The following ANKRD6 variants were observed in gnomAD, a reference collection of about 807,000 sequenced individuals.
The protein encoded by ANKRD6 is ankyrin repeat domain-containing protein 6.
Under a neutral mutation model 82.3 loss-of-function variants are expected in ANKRD6, and 56 were observed. The observed-to-expected ratio is 0.68, with a 90% CI of 0.55 to 0.85. The LOEUF is 0.85. Ranked by LOEUF, ANKRD6 falls within the 40% of genes least tolerant of loss-of-function variation. The pLI is 0.00. For synonymous variants in ANKRD6, 347 were observed against 352.1 expected, an observed-to-expected ratio of 0.99 and a Z score of 0.16; for missense variants, 852 against 907.6, an observed-to-expected ratio of 0.94 and a Z score of 0.79.
intron 5 of ANKRD6, among the ~76,000 whole-genome samples, chr6:89,606,406 G>A (rs149275306): frequency 6.6e-6 from 1 of 152,208 alleles, no homozygotes; most frequent in African/African-American, 2.4e-5. Context: ...AAAAAATATG[G>A]CAATGGAGTT....
intron 3 of ANKRD6, chr6:89,598,478 A>G (rs1053302708): frequency 1.0e-6 from 1 of 958,748 alleles, no homozygotes; most frequent in Non-Finnish European, 1.2e-6. Context: ...GCTTCCTTGC[A>G]GTATGTCTGC....
rs1218307718 is a variant in ANKRD6, at chr6:89,624,683, C to T, written c.1363C>T (p.Gln455Ter). 3.1e-6 allele frequency: 5 copies of T among 1,604,264 alleles called. No homozygotes were observed. The highest frequency in any genetic ancestry group is 3.4e-6 in the Non-Finnish European group (4 of 1,175,368). The change falls in exon 13 of 16, where the codon CAG (glutamine) becomes TAG (stop). Residue 455 changes from glutamine (Q) to a stop codon, truncating the protein, a stop_gained. Coordinates refer to ENST00000339746, the MANE Select transcript of ANKRD6 (RefSeq NM_001242809.2). LOFTEE classifies it high-confidence loss of function. ...GCTGGGGCAGATGGAGAATAAGACCCAGCACCAAGTATGTCATAAGGCCCA... is the reference window on the plus strand; with the variant it reads ...GCTGGGGCAGATGGAGAATAAGACCTAGCACCAAGTATGTCATAAGGCCCA... Reference protein sequence around the residue: ...TKLGQMENKTQHQMRVLDKLM... With the variant: ...TKLGQMENKT
chr6:89,499,949 C>G (rs1582939982), intron 1 of ANKRD6, among the ~76,000 whole-genome samples: 1 of 152,074 alleles, frequency 6.6e-6, no homozygotes, highest in Non-Finnish European at 1.5e-5. Flanking sequence ...ATGAAATGCC[C>G]ACTGAAATCC....
At chr6:89,598,134 A>G (rs1353650052) in intron 3 of ANKRD6, 16 of 985,318 alleles carry the variant, frequency 1.6e-5, no homozygotes, top group Non-Finnish European at 1.2e-6. Context: ...GAATTAGTTG[A>G]AGAATGACCT....
intron 2 of ANKRD6, among the ~76,000 whole-genome samples, chr6:89,587,285 T>A (rs1339111727): frequency 6.7e-6 from 1 of 149,868 alleles, no homozygotes; most frequent in African/African-American, 2.5e-5. Context: ...GGTCAAGAGA[T>A]CAAGACCCTC....
intron 1 of ANKRD6, among the ~76,000 whole-genome samples, chr6:89,530,023 G>A (rs900463974): frequency 2.0e-5 from 3 of 152,188 alleles, no homozygotes; most frequent in Non-Finnish European, 4.4e-5. Context: ...GGAGGCCGAG[G>A]TGGGTGGATC....
At chr6:89,449,074 A>G (rs1307339603) in intron 1 of ANKRD6, among the ~76,000 whole-genome samples, 1 of 151,970 alleles carries the variant, frequency 6.6e-6, no homozygotes, top group Non-Finnish European at 1.5e-5. Flanking sequence ...GTAAGGCTAT[A>G]GTTGCCAAAG....
chr6:89,461,884 A>G (rs1222527410), intron 1 of ANKRD6, among the ~76,000 whole-genome samples: 1 of 152,116 alleles, frequency 6.6e-6, no homozygotes, highest in Non-Finnish European at 1.5e-5. Flanking sequence ...TAACTATTAT[A>G]TTTATGTTCT....
intron 1 of ANKRD6, among the ~76,000 whole-genome samples, chr6:89,479,442 G>A (rs1379992390): frequency 6.6e-6 from 1 of 152,146 alleles, no homozygotes; most frequent in Non-Finnish European, 1.5e-5. Flanking sequence ...TCTACCAGAT[G>A]GAGCTTTCCT....
rs895772140 is a variant in ANKRD6, at chr6:89,475,360, T to G, written c.-144+41985T>G. Among the ~76,000 whole-genome samples, 8 of 152,210 alleles carry G rather than the reference T, an allele frequency of 5.3e-5. No individual in the cohort carries two copies. The South Asian group carries it at 6.2e-4, about 12-fold the overall frequency. On this transcript the variant is annotated intron_variant, in intron 1 of 15. Transcript: ENST00000339746. ...ATCACATCCCTGTTTTCAAATTAAA[T>G]AGTTGCCATATTCTAAATTCTGTTT... is the stretch of plus-strand genomic sequence containing the variant.
chr6:89,615,638 G>C (rs1801379327), intron 7 of ANKRD6, among the ~76,000 whole-genome samples: 1 of 152,112 alleles, frequency 6.6e-6, no homozygotes, highest in Non-Finnish European at 1.5e-5. Flanking sequence ...AATACACATA[G>C]CTAAGTGACT....
chr6:89,491,265 C>T (rs1027149225), intron 1 of ANKRD6, among the ~76,000 whole-genome samples: 5 of 152,038 alleles, frequency 3.3e-5, no homozygotes, highest in Non-Finnish European at 5.9e-5. Flanking sequence ...TTTCATAGGC[C>T]GAAATTACAG....
chr6:89,458,484 C>T (rs902411946), intron 1 of ANKRD6, among the ~76,000 whole-genome samples: 8 of 152,204 alleles, frequency 5.3e-5, no homozygotes, highest in Admixed American at 2.0e-4. Flanking sequence ...GTGCAGCCTT[C>T]AGTCTGTGGC....
intron 1 of ANKRD6, among the ~76,000 whole-genome samples, chr6:89,509,840 T>C (rs1247415126): frequency 6.6e-6 from 1 of 152,196 alleles, no homozygotes; most frequent in Non-Finnish European, 1.5e-5. Context: ...GTCTAGATAG[T>C]GAGTGACAGC....
chr6:89,490,244 G>A (rs1255605657), intron 1 of ANKRD6, among the ~76,000 whole-genome samples: 2 of 152,162 alleles, frequency 1.3e-5, no homozygotes, highest in Admixed American at 1.3e-4. Context: ...GTGATTTTTC[G>A]GCTGTGGTTT....
chr6:89,503,341 G>A (rs1014906910), intron 1 of ANKRD6, among the ~76,000 whole-genome samples: 6 of 152,182 alleles, frequency 3.9e-5, no homozygotes, highest in Non-Finnish European at 8.8e-5. Context: ...TGGGCAGAGA[G>A]GACAGAAAGC....
intron 8 of ANKRD6, chr6:89,617,059 T>C: frequency 2.5e-6 from 1 of 401,466 alleles, no homozygotes; most frequent in Non-Finnish European, 5.0e-6. Context: ...TCTCTTCCAC[T>C]TTGCCTGACC....
intron 1 of ANKRD6, among the ~76,000 whole-genome samples, chr6:89,452,450 G>A (rs189093182): frequency 6.6e-6 from 1 of 152,288 alleles, no homozygotes; most frequent in East Asian, 1.9e-4. Flanking sequence ...CCAAAGTATT[G>A]ATTGTAACCT....
chr6:89,504,391 T>TCTCTCGCTCTCGCTCGCG (rs1554222454), intron 1 of ANKRD6, among the ~76,000 whole-genome samples: 1 of 150,986 alleles, frequency 6.6e-6, no homozygotes, highest in Non-Finnish European at 1.5e-5. Context: ...GGACAGTCTC[T>TCTCTCGCTCTCGCTCGCG]CTCTCGCTCT....
Sources: gnomAD v4.1 joint callset for allele counts (sites outside exome capture counted in the v4.1 genomes callset) on GRCh38, gnomAD v4.1.1 for gene constraint, MANE v1.5 for transcripts, NCBI Gene and HGNC (gene_info 2026-07-23, HGNC 2026-07-21) for gene names.